Variants in RIN2 observed in about 807,000 individuals in gnomAD.
RIN2 encodes RAB5 interacting protein 2.
Under a neutral mutation model 78.0 loss-of-function variants are expected in RIN2, and 36 were observed. That is an observed-to-expected ratio of 0.46 (90% CI 0.35 to 0.61). The LOEUF (loss-of-function observed/expected upper bound fraction) is 0.61. Among genes scored for constraint, RIN2 ranks in the 20% least tolerant of loss-of-function variants. The pLI, the probability that RIN2 is intolerant of heterozygous loss-of-function variation, is 0.00. For missense variants in RIN2, 1,087 were observed against 1,159.7 expected (o/e 0.94, Z 0.91); for synonymous variants, 466 against 466.8 (o/e 1.00, Z 0.02).
chr20:19,835,094 AAAG>A (rs1197390858), intron 2 of RIN2, among the ~76,000 whole-genome samples: 2 of 135,426 alleles, frequency 1.5e-5, no homozygotes, highest in African/African-American at 5.2e-5. Context: ...AGAGAAAAAG[AAAG>A]AAGAAAGAAA....
intron 1 of RIN2, among the ~76,000 whole-genome samples, chr20:19,760,241 G>C (rs1210109234): frequency 6.6e-6 from 1 of 152,214 alleles, no homozygotes; most frequent in Non-Finnish European, 1.5e-5. Flanking sequence ...TGGAACTTGG[G>C]AAGAAGGCTG....
chr20:19,774,156 C>G (rs2122452771), intron 1 of RIN2, among the ~76,000 whole-genome samples: 1 of 152,136 alleles, frequency 6.6e-6, no homozygotes, highest in African/African-American at 2.4e-5. Flanking sequence ...CAAGACAGAG[C>G]TCAGGTTTCT....
intron 1 of RIN2, among the ~76,000 whole-genome samples, chr20:19,776,873 T>C (rs987494893): frequency 1.3e-5 from 2 of 152,224 alleles, no homozygotes; most frequent in Non-Finnish European, 2.9e-5. Flanking sequence ...TGTATTGATG[T>C]CTTATGTCCC....
chr20:19,760,854 C>T (rs964132282), intron 1 of RIN2, among the ~76,000 whole-genome samples: 1 of 152,162 alleles, frequency 6.6e-6, no homozygotes, highest in Non-Finnish European at 1.5e-5. Context: ...CCCAGTAAGA[C>T]ACCCCCTCAC....
At chr20:19,980,165 C>CCTT (rs1207032861) in intron 9 of RIN2, among the ~76,000 whole-genome samples, 1 of 151,648 alleles carries the variant, frequency 6.6e-6, no homozygotes, top group African/African-American at 2.4e-5. Flanking sequence ...GACCCTATCG[C>CCTT]CTGAAGGAAC....
chr20:19,881,925 C>A (rs573074605), intron 2 of RIN2, among the ~76,000 whole-genome samples: 1 of 152,310 alleles, frequency 6.6e-6, no homozygotes, highest in Middle Eastern at 3.4e-3. Flanking sequence ...TGTGGAATTG[C>A]TTCTACTTTC....
Position 19,992,154 on chromosome 20 carries a change from C to T in RIN2, c.2069-14C>T, listed in dbSNP as rs756367206. On this transcript the variant is annotated splice_polypyrimidine_tract_variant and intron_variant, in intron 10 of 12. Transcript: ENST00000255006. The stretch of plus-strand genomic sequence containing the variant: ...TGGTAAAAATATTCCATCTCCTTCT[C>T]TTCCTGCTCTCAGGGAGGATGTATG... The T allele has an allele frequency of 5.6e-6, 9 of 1,610,158 alleles. No individual in the cohort carries two copies. The highest frequency in any genetic ancestry group is 7.6e-6 in the Non-Finnish European group (9 of 1,178,532).
chr20:19,954,273 C>T (rs1304345800), intron 4 of RIN2, among the ~76,000 whole-genome samples: 7 of 152,332 alleles, frequency 4.6e-5, no homozygotes, highest in African/African-American at 1.4e-4. Flanking sequence ...CCATCCTTCT[C>T]AGTGCTAAAT....
At chr20:19,987,889 T>A (rs1983198) in intron 9 of RIN2, among the ~76,000 whole-genome samples, 63,270 of 152,032 alleles carry the variant, frequency 0.42, 16,358 homozygotes, top group East Asian at 0.72. Context: ...CCTGGATAAG[T>A]TGGAAGAGGA....
chr20:19,890,679 CAAAAAAAAAAA>C (rs534202183), intron 3 of RIN2, among the ~76,000 whole-genome samples: 4 of 64,460 alleles, frequency 6.2e-5, no homozygotes, highest in African/African-American at 2.3e-4. Flanking sequence ...GTTGACTCTA[CAAAAAAAAAAA>C]AAAAAAAAAA....
intron 9 of RIN2, among the ~76,000 whole-genome samples, chr20:19,979,402 A>G (rs6046501): frequency 0.06 from 9,141 of 152,268 alleles, 898 homozygotes; most frequent in African/African-American, 0.21. Flanking sequence ...GCAATTTAAC[A>G]ATTTGAAGAA....
At chr20:19,864,757 T>C (rs1466018772) in intron 2 of RIN2, among the ~76,000 whole-genome samples, 4 of 152,176 alleles carry the variant, frequency 2.6e-5, no homozygotes, top group African/African-American at 9.6e-5. Context: ...CTACATATAC[T>C]CGCTGCCTGT....
intron 1 of RIN2, among the ~76,000 whole-genome samples, chr20:19,783,486 C>T (rs2034576276): frequency 8.4e-6 from 1 of 118,458 alleles, no homozygotes; most frequent in South Asian, 2.9e-4. Flanking sequence ...CTGGGGCTGT[C>T]TCTGACCTGG....
chr20:19,861,670 G>A (rs2037344017), intron 2 of RIN2, among the ~76,000 whole-genome samples: 1 of 144,244 alleles, frequency 6.9e-6, no homozygotes, highest in African/African-American at 2.6e-5. Flanking sequence ...CTCCATATCT[G>A]ATGATGACCC....
At chr20:19,848,604 G>A (rs1392688288) in intron 2 of RIN2, among the ~76,000 whole-genome samples, 3 of 149,968 alleles carry the variant, frequency 2.0e-5, no homozygotes, top group Non-Finnish European at 4.4e-5. Flanking sequence ...AAAAGCCGGA[G>A]ATGTACATCT....
Position 19,881,504 on chromosome 20 carries a change from G to A in RIN2, c.-36-8062G>A, listed in dbSNP as rs899649918. Among the ~76,000 whole-genome samples the A allele has an allele frequency of 8.5e-5, 13 of 152,264 alleles. No homozygotes were observed. The East Asian group carries it at 9.6e-4, about 11-fold the overall frequency. ...CCTAGAGGCTAATTTATTATATAGG[G>A]ATGATGTTCCTCTCTTTTTCCTTCA... On this transcript the variant is annotated intron_variant, in intron 2 of 12. Coordinates refer to ENST00000255006, the MANE Select transcript of RIN2 (RefSeq NM_018993.4).
At chr20:19,803,060 A>G (rs1446094036) in intron 2 of RIN2, among the ~76,000 whole-genome samples, 1 of 152,180 alleles carries the variant, frequency 6.6e-6, no homozygotes, top group African/African-American at 2.4e-5. Flanking sequence ...CTGTTGTTCT[A>G]CCTGCTCACT....
intron 2 of RIN2, among the ~76,000 whole-genome samples, chr20:19,869,236 C>T (rs68094650): frequency 0.035 from 5,356 of 152,182 alleles, 282 homozygotes; most frequent in African/African-American, 0.11. Context: ...TTGATGAAGA[C>T]CATATACGCT....
At position 19,990,063 on chromosome 20, in the gene RIN2, T is replaced by C; in HGVS notation, c.1820T>C (p.Val607Ala). ...ATCTTGAAGCCCCTCAAGGGGCACG[T>C]GGAGGCCATGCTGAAGGACTTTCAC... is the stretch of plus-strand genomic sequence containing the variant. ...KCILKPLKGH[V>A]EAMLKDFHMA... Residue 607 changes from valine (V) to alanine (A), a missense_variant, in exon 10 of 13, where the codon GTG (valine) becomes GCG (alanine). By Grantham distance (64) the Val-to-Ala change is moderately conservative. Coordinates refer to ENST00000255006, the MANE Select transcript of RIN2 (RefSeq NM_018993.4). 1 of 1,598,810 alleles carries C rather than the reference T, an allele frequency of 6.3e-7. No homozygotes were observed. The highest frequency in any genetic ancestry group is 8.5e-7 in the Non-Finnish European group (1 of 1,172,354).
Sources: gnomAD v4.1 joint callset for allele counts (sites outside exome capture counted in the v4.1 genomes callset) on GRCh38, gnomAD v4.1.1 for gene constraint, MANE v1.5 for transcripts, NCBI Gene and HGNC (gene_info 2026-07-23, HGNC 2026-07-21) for gene names.